ZFHX3: variants seen among roughly 807,000 people sequenced by gnomAD.
ZFHX3 encodes zinc finger homeobox protein 3.
Under a neutral mutation model 279.1 loss-of-function variants are expected in ZFHX3, and 42 were observed. That is an observed-to-expected ratio of 0.15 (90% CI 0.12 to 0.19). The LOEUF is 0.19. Ranked by LOEUF, ZFHX3 falls within the 10% of genes least tolerant of loss-of-function variation. The probability of loss-of-function intolerance (pLI) is 1.00; values close to 1 mark genes in which losing one functional copy is unlikely to be tolerated. For synonymous variants in ZFHX3, 2,293 were observed against 1,957.8 expected (o/e 1.17, Z -4.52); for missense variants, 4,981 against 4,754.0 (o/e 1.05, Z -1.40).
chr16:72,836,307 C>T (rs1454771362), intron 4 of ZFHX3, among the ~76,000 whole-genome samples: 1 of 151,916 alleles, frequency 6.6e-6, no homozygotes, highest in East Asian at 2.0e-4. Context: ...CCTACCTGTA[C>T]CGTGACAGCC....
At chr16:72,845,662 G>C (rs891135526) in intron 4 of ZFHX3, among the ~76,000 whole-genome samples, 1 of 152,160 alleles carries the variant, frequency 6.6e-6, no homozygotes, top group Admixed American at 6.5e-5. Flanking sequence ...CTGTGACCCA[G>C]ACCAATCAGT....
chr16:72,873,379 G>A (rs1201975625), intron 4 of ZFHX3, among the ~76,000 whole-genome samples: 1 of 152,162 alleles, frequency 6.6e-6, no homozygotes, highest in Non-Finnish European at 1.5e-5. Flanking sequence ...CACATTTAGA[G>A]GCCCCAGAAT....
intron 8 of ZFHX3, chr16:73,081,180 A>G (rs1166745864): frequency 2.0e-5 from 3 of 152,190 alleles, no homozygotes; most frequent in Non-Finnish European, 4.4e-5. Flanking sequence ...ATTGATACCA[A>G]TCACTAACTA....
At chr16:73,131,676 C>G (rs763766607) in intron 6 of ZFHX3, among the ~76,000 whole-genome samples, 3 of 152,156 alleles carry the variant, frequency 2.0e-5, no homozygotes, top group Non-Finnish European at 4.4e-5. Flanking sequence ...TTGCCTGGGG[C>G]CAGTACAAGA....
rs184868033 is a variant in ZFHX3, at chr16:73,319,119, G to C, written c.-1290-783C>G. ...GGGAGGGGAGGTGTGGAATGGGGGG[G>C]GCAGAGGACGCACAAGGACCGGAGC... On this transcript the variant is annotated intron_variant, in intron 3 of 17. Transcript: ENST00000641206. Among the ~76,000 whole-genome samples, 11 of 151,908 alleles carry C rather than the reference G, an allele frequency of 7.2e-5. No homozygotes were observed. In the East Asian group the frequency reaches 7.8e-4, roughly 11 times the overall value.
intron 2 of ZFHX3, among the ~76,000 whole-genome samples, chr16:73,605,281 A>G (rs182291501): frequency 1.3e-5 from 2 of 152,332 alleles, no homozygotes; most frequent in African/African-American, 4.8e-5. Context: ...GCTCGCTGAA[A>G]ACCTCATCGT....
intron 4 of ZFHX3, among the ~76,000 whole-genome samples, chr16:73,266,508 G>T (rs967247190): frequency 6.6e-6 from 1 of 152,150 alleles, no homozygotes; most frequent in African/African-American, 2.4e-5. Flanking sequence ...CAATGCTACT[G>T]TGAAGGAGTA....
At chr16:73,051,888 CAG>C (rs1277329548), upstream of ZFHX3, among the ~76,000 whole-genome samples, 2 of 152,152 alleles carry the variant, frequency 1.3e-5, no homozygotes, top group African/African-American at 2.4e-5. Context: ...CTTTTAAACA[CAG>C]GGGGATTCTT....
At chr16:72,806,876 G>T (rs2036283061) in intron 7 of ZFHX3, 1 of 152,176 alleles carries the variant, frequency 6.6e-6, no homozygotes, top group East Asian at 1.9e-4. Context: ...TTCCTAAGCT[G>T]CCCAGGAGCC....
chr16:73,218,960 C>T (rs1350956668), intron 5 of ZFHX3, among the ~76,000 whole-genome samples: 3 of 152,164 alleles, frequency 2.0e-5, no homozygotes, highest in Non-Finnish European at 2.9e-5. Flanking sequence ...ATTTCCTCTT[C>T]CCCCAGCTTC....
intron 4 of ZFHX3, among the ~76,000 whole-genome samples, chr16:73,300,655 C>T (rs930121157): frequency 6.6e-6 from 1 of 152,238 alleles, no homozygotes; most frequent in Non-Finnish European, 1.5e-5. Context: ...AGGCGCCTGC[C>T]ACCATGCCCG....
intron 3 of ZFHX3, chr16:73,400,433 T>G (rs1390723886): frequency 2.0e-5 from 3 of 152,132 alleles, no homozygotes; most frequent in Non-Finnish European, 4.4e-5. Flanking sequence ...AGCTGAACCA[T>G]TCCCTCAGGC....
At chr16:73,303,707 C>T (rs888972566) in intron 4 of ZFHX3, among the ~76,000 whole-genome samples, 2 of 151,788 alleles carry the variant, frequency 1.3e-5, no homozygotes, top group Non-Finnish European at 2.9e-5. Context: ...AAAAGATAAT[C>T]ACCTCAATTA....
chr16:73,336,990 A>T (rs1008121759), intron 3 of ZFHX3, among the ~76,000 whole-genome samples: 4 of 151,944 alleles, frequency 2.6e-5, no homozygotes, highest in African/African-American at 9.7e-5. Context: ...GGTTCCCTGG[A>T]CTCCTGGTCT....
At chr16:73,308,266 TATATATATA>T (rs1567446271) in intron 4 of ZFHX3, among the ~76,000 whole-genome samples, 70 of 25,916 alleles carry the variant, frequency 2.7e-3, no homozygotes, top group African/African-American at 4.8e-3. Flanking sequence ...TATATATATA[TATATATATA>T]TATTTATTTA....
chr16:73,875,743 C>T (rs747447679), intron 1 of ZFHX3, among the ~76,000 whole-genome samples: 8 of 152,046 alleles, frequency 5.3e-5, no homozygotes, highest in Non-Finnish European at 1.0e-4. Flanking sequence ...CATGATGAAC[C>T]GGATTGCTTA....
intron 7 of ZFHX3, chr16:73,123,288 GT>G (rs1418475446): frequency 6.8e-6 from 1 of 148,040 alleles, no homozygotes; most frequent in East Asian, 2.0e-4. Flanking sequence ...TTGAATCTGG[GT>G]TATACTACTC....
At chr16:73,548,130 T>A (rs2020150624) in intron 2 of ZFHX3, among the ~76,000 whole-genome samples, 1 of 152,220 alleles carries the variant, frequency 6.6e-6, no homozygotes, top group African/African-American at 2.4e-5. Context: ...CTTTGCAGAC[T>A]GATAATTTTG....
intron 1 of ZFHX3, among the ~76,000 whole-genome samples, chr16:73,039,263 T>A (rs1352922106): frequency 1.3e-5 from 2 of 151,984 alleles, no homozygotes; most frequent in African/African-American, 4.8e-5. Flanking sequence ...CAGCCCAGAT[T>A]CTTCATTTTT....
Sources: gnomAD v4.1 joint callset for allele counts (sites outside exome capture counted in the v4.1 genomes callset) on GRCh38, gnomAD v4.1.1 for gene constraint, MANE v1.5 for transcripts, NCBI Gene and HGNC (gene_info 2026-07-23, HGNC 2026-07-21) for gene names.